Variants in NUP214 observed in about 807,000 individuals in gnomAD.
The protein encoded by NUP214 is nuclear pore complex protein Nup214.
In NUP214, 79 loss-of-function variants were observed where a neutral mutation model predicts 196.2. That is an observed-to-expected ratio of 0.40 (90% CI 0.34 to 0.49). The LOEUF (loss-of-function observed/expected upper bound fraction) is 0.49. NUP214 is among the 20% of genes least tolerant of loss of function. NUP214 has a pLI of 0.58. For synonymous variants in NUP214, 1,020 were observed against 990.5 expected, an observed-to-expected ratio of 1.03 and a Z score of -0.56; for missense variants, 2,468 against 2,539.0, an observed-to-expected ratio of 0.97 and a Z score of 0.60.
intron 17 of NUP214, among the ~76,000 whole-genome samples, chr9:131,158,568 G>C (rs766898843): frequency 6.6e-5 from 10 of 152,308 alleles, no homozygotes; most frequent in Admixed American, 2.0e-4. Flanking sequence ...TTTCTCAAAT[G>C]GGAAGATGAC....
At chr9:131,172,934 G>A (rs1833000607) in intron 21 of NUP214, among the ~76,000 whole-genome samples, 1 of 152,142 alleles carries the variant, frequency 6.6e-6, no homozygotes, top group Admixed American at 6.5e-5. Context: ...CCAATATACA[G>A]GAAGTATTCA....
At chr9:131,200,437 CG>C (rs1833909014) in intron 29 of NUP214, among the ~76,000 whole-genome samples, 1 of 151,996 alleles carries the variant, frequency 6.6e-6, no homozygotes, top group African/African-American at 2.4e-5. Flanking sequence ...TTGCCGGGCG[CG>C]GTGGCTCACG....
At chr9:131,133,840 A>G (rs137864932) in intron 7 of NUP214, 8 of 152,338 alleles carry the variant, frequency 5.3e-5, no homozygotes, top group African/African-American at 1.9e-4. Flanking sequence ...TTTGCTCTCG[A>G]ATATTTAATG....
intron 34 of NUP214, among the ~76,000 whole-genome samples, chr9:131,231,595 C>G (rs1316325382): frequency 6.7e-6 from 1 of 149,664 alleles, no homozygotes; most frequent in Admixed American, 6.7e-5. Context: ...AATGGTCTTA[C>G]TAGGCCTTGG....
rs534601485 is a variant in NUP214 at position 131,154,754 on chromosome 9, T to C, written c.2436+2860T>C. On this transcript the variant is annotated intron_variant, in intron 17 of 35. Transcript: ENST00000359428. ...TCCTGAGTTACTTCACTTAGAATAA[T>C]GGTCTCCAGCTCCATCTAGGTTGCT... Among the ~76,000 whole-genome samples the C allele has an allele frequency of 1.8e-4, 28 of 152,380 alleles. No individual in the cohort carries two copies. In the East Asian group the frequency reaches 5.4e-3, roughly 29 times the overall value.
chr9:131,145,646 C>T (rs796525457), intron 12 of NUP214, among the ~76,000 whole-genome samples: 9 of 152,272 alleles, frequency 5.9e-5, no homozygotes, highest in East Asian at 1.9e-4. Context: ...TAGGTGGAAC[C>T]GACTTTACAT....
intron 4 of NUP214, among the ~76,000 whole-genome samples, chr9:131,129,868 GC>G (rs1167057356): frequency 6.6e-6 from 1 of 152,030 alleles, no homozygotes; most frequent in Non-Finnish European, 1.5e-5. Context: ...CCCCGCATAT[GC>G]TAGGATTACA....
rs748949497 is a variant in NUP214 at position 131,140,574 on chromosome 9, T to C, written c.1158T>C (p.Ala386=). 11 of 1,612,912 alleles carry C rather than the reference T, an allele frequency of 6.8e-6. No homozygotes were observed. The highest frequency in any genetic ancestry group is 1.1e-5 in the South Asian group (1 of 90,738). The change falls in exon 11 of 36, where the codon GCT becomes GCC. Residue 386 remains alanine, a synonymous_variant. Transcript: ENST00000359428. ...TISDEKTLPP[A]PVLMLLSTDG... is the part of the protein sequence containing the mutation. ...GTGATGAAAAGACTCTTCCTCCTGC[T>C]CCAGTTCTCATGTTACTTTCAACAG...
chr9:131,128,826 CTG>C (rs1831443491), intron 3 of NUP214: 1 of 281,380 alleles, frequency 3.6e-6, no homozygotes, highest in Non-Finnish European at 6.8e-6. Flanking sequence ...TTTATACTGA[CTG>C]TGTGTGTTAG....
chr9:131,142,132 GT>G (rs145276463), intron 11 of NUP214, among the ~76,000 whole-genome samples: 1 of 151,048 alleles, frequency 6.6e-6, no homozygotes, highest in Non-Finnish European at 1.5e-5. Flanking sequence ...TCTTTGTGTT[GT>G]TTTTTTTTCC....
intron 11 of NUP214, among the ~76,000 whole-genome samples, chr9:131,143,594 T>C (rs1831993194): frequency 6.6e-6 from 1 of 151,086 alleles, no homozygotes. Flanking sequence ...TTATATTTCT[T>C]TGATTAGAGA....
At position 131,197,706 on chromosome 9, in the gene NUP214, C is replaced by A. The variant is rs376817802; in HGVS notation, c.4212C>A (p.Ser1404Arg). The A allele has an allele frequency of 4.2e-5, 67 of 1,614,112 alleles. No individual in the cohort carries two copies. Among genetic ancestry groups the A allele is most frequent in the Non-Finnish European group, 5.4e-5 (64 of 1,180,042 alleles). ...CAGTAGCACCACCAGCAGCCACCAG[C>A]ACTTCCTCAACTGCCGTTTTTGGCA... Reference protein sequence around the residue: ...TTSVAPPAATSTSSTAVFGSL... With the variant: ...TTSVAPPAATRTSSTAVFGSL... Residue 1404 changes from serine (S) to arginine (R), a missense_variant, in exon 29 of 36, where the codon AGC becomes AGA. Physicochemically the swap from Ser to Arg is moderately radical, Grantham distance 110. Coordinates refer to ENST00000359428, the MANE Select transcript of NUP214 (RefSeq NM_005085.4).
In NUP214 at chr9:131,146,305, G is replaced by A; in HGVS notation, c.1945+1G>A. The stretch of plus-strand genomic sequence containing the variant: ...TCCTCAGTCTTGCCCTCACCATCAG[G>A]TATGATTTTAAGCAGACAACTTTAG... On this transcript the variant is annotated splice_donor_variant, in intron 13 of 35. Coordinates refer to ENST00000359428, the MANE Select transcript of NUP214 (RefSeq NM_005085.4). LOFTEE classifies it high-confidence loss of function. This position sits in a 1 kb window ranked among gnomAD's most constrained non-coding sequence, Gnocchi z 4.6. 2 of 1,613,882 alleles carry A rather than the reference G, an allele frequency of 1.2e-6. No individual in the cohort carries two copies. Among genetic ancestry groups the A allele is most frequent in the Non-Finnish European group, 1.7e-6 (2 of 1,179,824 alleles).
intron 10 of NUP214, among the ~76,000 whole-genome samples, chr9:131,139,641 A>T (rs999093340): frequency 5.9e-5 from 9 of 152,226 alleles, no homozygotes; most frequent in African/African-American, 2.2e-4. Context: ...GTGTGGGTGC[A>T]TGTTTGCACA....
Position 131,175,455 on chromosome 9 carries a change from C to G in NUP214, c.3158-5C>G, listed in dbSNP as rs1311202583. The G allele has an allele frequency of 7.4e-6, 12 of 1,613,962 alleles. No individual in the cohort carries two copies. Among genetic ancestry groups the G allele is most frequent in the African/African-American group, 4.0e-5 (3 of 75,032 alleles). On this transcript the variant is annotated splice_region_variant and splice_polypyrimidine_tract_variant and intron_variant, in intron 22 of 35. Coordinates refer to ENST00000359428, the MANE Select transcript of NUP214 (RefSeq NM_005085.4). ...ACTCACACTTAATTTTTCTTTTCCTCTTAGTGGCTACATCTGCTAGCAAAA... is the reference window on the plus strand; with the variant it reads ...ACTCACACTTAATTTTTCTTTTCCTGTTAGTGGCTACATCTGCTAGCAAAA...
Position 131,177,083 on chromosome 9 carries a change from A to G in NUP214, c.3320-1228A>G, listed in dbSNP as rs1833140685. Among the ~76,000 whole-genome samples, 4 of 152,262 alleles carry G rather than the reference A, an allele frequency of 2.6e-5. No individual in the cohort carries two copies. The South Asian group carries it at 8.3e-4, about 31-fold the overall frequency. On this transcript the variant is annotated intron_variant, in intron 23 of 35. Coordinates refer to ENST00000359428, the MANE Select transcript of NUP214 (RefSeq NM_005085.4). Reference sequence around the variant, plus strand: ...AGTAAAATTATTTTTTAGATGTATCACTGCTTACAACACTTATCAATTTAG... The same window carrying G: ...AGTAAAATTATTTTTTAGATGTATCGCTGCTTACAACACTTATCAATTTAG...
chr9:131,135,529 C>T (rs1363813106), intron 8 of NUP214, among the ~76,000 whole-genome samples: 1 of 152,072 alleles, frequency 6.6e-6, no homozygotes, highest in Non-Finnish European at 1.5e-5. Flanking sequence ...TCTCAATAAC[C>T]CCTAGTGATG....
chr9:131,146,168 C>T lies in NUP214; in HGVS notation c.1809C>T (p.Ser603=). The change falls in exon 13 of 36, where the codon TCC becomes TCT. Residue 603 remains serine, a synonymous_variant. Transcript: ENST00000359428. This position sits in a 1 kb window ranked among gnomAD's most constrained non-coding sequence, Gnocchi z 4.6. ...AAATSTPVSS[S]QSAPPMSPFS... ...CTACCTCTACTCCTGTTAGTAGCTC[C>T]CAGAGCGCACCCCCGATGTCGCCAT... is the stretch of plus-strand genomic sequence containing the variant. 1 of 1,614,122 alleles carries T rather than the reference C, an allele frequency of 6.2e-7. No homozygotes were observed. The highest frequency in any genetic ancestry group is 1.1e-5 in the South Asian group (1 of 91,082).
At chr9:131,205,120 C>CA (rs1834042388) in intron 30 of NUP214, among the ~76,000 whole-genome samples, 2 of 151,966 alleles carry the variant, frequency 1.3e-5, no homozygotes, top group Admixed American at 6.5e-5. Context: ...GACTCCATCT[C>CA]AAAAAACAAA....
Sources: gnomAD v4.1 joint callset for allele counts (sites outside exome capture counted in the v4.1 genomes callset) on GRCh38, gnomAD v4.1.1 for gene constraint, Gnocchi (gnomAD v3.1) non-coding constraint, MANE v1.5 for transcripts, NCBI Gene and HGNC (gene_info 2026-07-23, HGNC 2026-07-21) for gene names.